Variants in PCYT1A observed in about 807,000 individuals in gnomAD.
PCYT1A encodes the protein phosphate cytidylyltransferase 1A, choline, also known as choline-phosphate cytidylyltransferase A.
In PCYT1A, 25 loss-of-function variants were observed where a neutral mutation model predicts 43.7. That is an observed-to-expected ratio of 0.57 (90% CI 0.42 to 0.80). The LOEUF is 0.80. Ranked by LOEUF, PCYT1A falls within the 30% of genes least tolerant of loss-of-function variation. The probability of loss-of-function intolerance (pLI) is 0.00; values close to 1 mark genes in which losing one functional copy is unlikely to be tolerated. For missense variants in PCYT1A, 421 were observed against 474.2 expected, an observed-to-expected ratio of 0.89 and a Z score of 1.04; for synonymous variants, 172 against 170.7, an observed-to-expected ratio of 1.01 and a Z score of -0.06.
rs1349648751 is a variant in PCYT1A, at chr3:196,252,116, C to A, written c.218-3793G>T. Among the ~76,000 whole-genome samples, 5 of 151,326 alleles carry A rather than the reference C, an allele frequency of 3.3e-5. No individual in the cohort carries two copies. Among genetic ancestry groups the A allele is most frequent in the Admixed American group, 3.3e-4 (5 of 15,172 alleles). On this transcript the variant is annotated intron_variant, in intron 3 of 8. Transcript: ENST00000431016. This position sits in a 1 kb window ranked among gnomAD's most constrained non-coding sequence, Gnocchi z 4.0. ...CCACGCCCCGCAGACTACAGCGCAC[C>A]CCGCCACGCCCCACTGGCTACAGTG...
intron 7 of PCYT1A, among the ~76,000 whole-genome samples, chr3:196,240,171 T>C (rs1280891852): frequency 6.6e-6 from 1 of 152,196 alleles, no homozygotes; most frequent in African/African-American, 2.4e-5. Flanking sequence ...GATCTTTTAC[T>C]TAATTAATCT....
chr3:196,275,934 A>G (rs546444355), intron 1 of PCYT1A, among the ~76,000 whole-genome samples: 1 of 151,782 alleles, frequency 6.6e-6, no homozygotes, highest in East Asian at 2.0e-4. Context: ...TGTCTCTACT[A>G]AAAATACAAA....
At chr3:196,279,115 C>T (rs550184976) in intron 1 of PCYT1A, among the ~76,000 whole-genome samples, 5 of 151,894 alleles carry the variant, frequency 3.3e-5, no homozygotes, top group Non-Finnish European at 5.9e-5. Context: ...TGGTGAAGCC[C>T]GGTCTCTACT....
At chr3:196,246,725 G>T (rs534005916) in intron 5 of PCYT1A, among the ~76,000 whole-genome samples, 3 of 152,222 alleles carry the variant, frequency 2.0e-5, no homozygotes, top group Non-Finnish European at 4.4e-5. Context: ...TAATGTGACC[G>T]TCTTCAGAGT....
Position 196,273,488 on chromosome 3 carries a change from C to T in PCYT1A, c.-10-2947G>A, listed in dbSNP as rs1382428246. ...GGTGAAGAGGTGCTTTATTGAGCAA[C>T]ACAACAGCCCTCAGGAGACCCCAAG... On this transcript the variant is annotated intron_variant, in intron 1 of 8. Transcript: ENST00000431016. The surrounding 1 kb of genome is among the most constrained non-coding windows in gnomAD (Gnocchi z 4.1). 6.6e-6 allele frequency among the ~76,000 whole-genome samples: 1 copy of T among 152,238 alleles called. No individual in the cohort carries two copies. Among genetic ancestry groups the T allele is most frequent in the Non-Finnish European group, 1.5e-5 (1 of 68,040 alleles).
chr3:196,247,369 G>A lies in PCYT1A; in HGVS notation c.484C>T (p.Arg162Trp), dbSNP rs375663930. ...TLTPEFLAEH[R>W]IDFVAHDDIP... ...GGAATATGTGTCCAGTTTCTTACCCGGTGTTCGGCCAGGAACTCGGGTGTC... is the reference window on the plus strand; with the variant it reads ...GGAATATGTGTCCAGTTTCTTACCCAGTGTTCGGCCAGGAACTCGGGTGTC... The change falls in exon 5 of 9, where the codon CGG (arginine) becomes TGG (tryptophan). Residue 162 changes from arginine (R) to tryptophan (W), a missense_variant and splice_region_variant. This residue lies in a region of PCYT1A where 174 missense variants were observed against 270.7 expected (regional missense o/e 0.64). Transcript: ENST00000431016. The surrounding 1 kb of genome is among the most constrained non-coding windows in gnomAD (Gnocchi z 4.8). The A allele has an allele frequency of 6.2e-6, 10 of 1,613,950 alleles. No homozygotes were observed. Among genetic ancestry groups the A allele is most frequent in the South Asian group, 4.4e-5 (4 of 91,066 alleles).
chr3:196,274,725 G>A (rs1725539203), intron 1 of PCYT1A, among the ~76,000 whole-genome samples: 1 of 151,982 alleles, frequency 6.6e-6, no homozygotes, highest in Non-Finnish European at 1.5e-5. Flanking sequence ...TCTTTCCTCC[G>A]GCTCAACTCC....
At chr3:196,239,997 CA>C in intron 7 of PCYT1A, 3 of 414,192 alleles carry the variant, frequency 7.2e-6, no homozygotes, top group Non-Finnish European at 1.3e-5. Context: ...GGCACGTAGC[CA>C]AATAAAGTCA....
chr3:196,261,195 G>A (rs1446919615), intron 2 of PCYT1A, among the ~76,000 whole-genome samples: 1 of 152,204 alleles, frequency 6.6e-6, no homozygotes, highest in Non-Finnish European at 1.5e-5. Context: ...GTAATAGGGA[G>A]TGACTGCTAA....
Position 196,241,943 on chromosome 3 carries a change from C to T in PCYT1A, c.708+5G>A. ...AGGGAACTCTGGGGTAAGGCTGGAA[C>T]TCACGTTGATAAAGCTGACATTGAG... On this transcript the variant is annotated splice_donor_5th_base_variant and intron_variant, in intron 7 of 8. Transcript: ENST00000431016. 6.2e-7 allele frequency: 1 copy of T among 1,614,176 alleles called. No individual in the cohort carries two copies. The highest frequency in any genetic ancestry group is 8.5e-7 in the Non-Finnish European group (1 of 1,180,012).
chr3:196,265,889 C>A (rs900906578), intron 2 of PCYT1A, among the ~76,000 whole-genome samples: 43 of 152,078 alleles, frequency 2.8e-4, no homozygotes, highest in African/African-American at 9.9e-4. Flanking sequence ...CAGGCGCCCA[C>A]CACTGCGCCC....
chr3:196,270,541 A>C lies in PCYT1A; in HGVS notation c.-10T>G, dbSNP rs764437295. On this transcript the variant is annotated splice_region_variant and 5_prime_UTR_variant, in exon 2 of 9. Transcript: ENST00000431016. ...AACACTGTGCATCCATCTTCTTTTA[A>C]CTGGTCATAGAAAGTGAAAACAAAA... 3.1e-6 allele frequency: 5 copies of C among 1,601,478 alleles called. No individual in the cohort carries two copies. In the Admixed American group the frequency reaches 8.3e-5, roughly 27 times the overall value.
Position 196,238,492 on chromosome 3 carries a change from C to T in PCYT1A, c.*196G>A, listed in dbSNP as rs956975074. On this transcript the variant is annotated 3_prime_UTR_variant, in exon 9 of 9. Coordinates refer to ENST00000431016, the MANE Select transcript of PCYT1A (RefSeq NM_001312673.2). Reference sequence around the variant, plus strand: ...AGCAGGCTTCTAAGGTGCAGTCCCCCTCCTTCGTGTGGGTGAGTGATGTCA... The same window carrying T: ...AGCAGGCTTCTAAGGTGCAGTCCCCTTCCTTCGTGTGGGTGAGTGATGTCA... 1 of 418,316 alleles carries T rather than the reference C, an allele frequency of 2.4e-6. No individual in the cohort carries two copies. The highest frequency in any genetic ancestry group is 4.3e-6 in the Non-Finnish European group (1 of 234,094). The allele number at this position is 418,316 out of a possible 1,614,324, so 25.9% of individuals were successfully genotyped here. A position where few individuals can be genotyped will look rare whatever the true frequency, so the allele number is the denominator to read the frequency against.
rs1397092488 is a variant in PCYT1A, at chr3:196,247,947, G to A, written c.334+260C>T. 1.5e-5 allele frequency: 8 copies of A among 527,994 alleles called. No individual in the cohort carries two copies. Among genetic ancestry groups the A allele is most frequent in the African/African-American group, 5.7e-5 (3 of 52,364 alleles). 32.7% of individuals were successfully genotyped at this position (527,994 alleles called of 1,614,324 possible). A position where few individuals can be genotyped will look rare whatever the true frequency, so the allele number is the denominator to read the frequency against. Reference sequence around the variant, plus strand: ...AAGCAAATGTTTTAAAGTGGACAACGGAAGTCACGGCTGCTCCTGTGACCA... The same window carrying A: ...AAGCAAATGTTTTAAAGTGGACAACAGAAGTCACGGCTGCTCCTGTGACCA... On this transcript the variant is annotated intron_variant, in intron 4 of 8. Coordinates refer to ENST00000431016, the MANE Select transcript of PCYT1A (RefSeq NM_001312673.2). This position sits in a 1 kb window ranked among gnomAD's most constrained non-coding sequence, Gnocchi z 4.8.
In PCYT1A at chr3:196,277,746, C is replaced by A. The variant is rs1035777961; in HGVS notation, c.-10-7205G>T. The stretch of plus-strand genomic sequence containing the variant: ...ATTAGCTGAGCGTGGTGGCATGCAC[C>A]TGTAATCCCAGCTACTTGGGAGGCT... On this transcript the variant is annotated intron_variant, in intron 1 of 8. Transcript: ENST00000431016. This position sits in a 1 kb window ranked among gnomAD's most constrained non-coding sequence, Gnocchi z 4.1. Among the ~76,000 whole-genome samples, 1 of 152,180 alleles carries A rather than the reference C, an allele frequency of 6.6e-6. No individual in the cohort carries two copies. The highest frequency in any genetic ancestry group is 2.4e-5 in the African/African-American group (1 of 41,448).
intron 2 of PCYT1A, among the ~76,000 whole-genome samples, chr3:196,269,880 ATTT>A (rs1725380702): frequency 6.6e-6 from 1 of 151,860 alleles, no homozygotes; most frequent in African/African-American, 2.4e-5. Context: ...TTTACTTTTT[ATTT>A]TTATTTTTGA....
intron 2 of PCYT1A, among the ~76,000 whole-genome samples, chr3:196,263,960 G>C (rs1330076871): frequency 6.6e-6 from 1 of 152,106 alleles, no homozygotes; most frequent in Non-Finnish European, 1.5e-5. Context: ...TGAAAGAAAA[G>C]CAATCATTCT....
At chr3:196,285,968 C>T (rs769150649) in intron 1 of PCYT1A, among the ~76,000 whole-genome samples, 1 of 152,092 alleles carries the variant, frequency 6.6e-6, no homozygotes, top group African/African-American at 2.4e-5. Flanking sequence ...CTTGTTCCTA[C>T]GCTCAAAGCT....
At chr3:196,280,576 T>TTG (rs1725741441) in intron 1 of PCYT1A, among the ~76,000 whole-genome samples, 1 of 147,822 alleles carries the variant, frequency 6.8e-6, no homozygotes, top group Non-Finnish European at 1.5e-5. Context: ...TATTGTTTTT[T>TTG]TTTTTTTTTT....
Sources: gnomAD v4.1 joint callset for allele counts (sites outside exome capture counted in the v4.1 genomes callset) on GRCh38, gnomAD v4.1.1 for gene constraint, gnomAD v4.1.1 regional missense constraint, Gnocchi (gnomAD v3.1) non-coding constraint, MANE v1.5 for transcripts, NCBI Gene and HGNC (gene_info 2026-07-23, HGNC 2026-07-21) for gene names.